DMC1: variants seen among roughly 807,000 people sequenced by gnomAD.
DMC1 encodes DNA meiotic recombinase 1, also known as meiotic recombination protein DMC1 homolog.
DMC1 carries 27 observed loss-of-function variants against 50.1 expected under a neutral mutation model. That is an observed-to-expected ratio of 0.54 (90% CI 0.40 to 0.74). The LOEUF (loss-of-function observed/expected upper bound fraction) is 0.74. DMC1 is among the 30% of genes least tolerant of loss of function. The probability of loss-of-function intolerance (pLI) is 0.00; values close to 1 mark genes in which losing one functional copy is unlikely to be tolerated. For synonymous variants in DMC1, 148 were observed against 136.1 expected, an observed-to-expected ratio of 1.09 and a Z score of -0.61; for missense variants, 295 against 420.2, an observed-to-expected ratio of 0.70 and a Z score of 2.60.
chr22:38,520,601 G>T (rs369219138), intron 13 of DMC1, among the ~76,000 whole-genome samples: 1 of 151,922 alleles, frequency 6.6e-6, no homozygotes, highest in Non-Finnish European at 1.5e-5. Flanking sequence ...CAGGTGATCC[G>T]CCTGCCTCGG....
At chr22:38,555,433 G>A in intron 5 of DMC1, 24 bp from the exon 6 acceptor site, 1 of 1,452,768 alleles carries the variant, frequency 6.9e-7, no homozygotes, top group Non-Finnish European at 9.7e-7. Flanking sequence ...GAAAGCATTA[G>A]TAACAGGAAT....
intron 4 of DMC1, among the ~76,000 whole-genome samples, chr22:38,566,231 G>A (rs1412017315): frequency 6.8e-6 from 1 of 147,158 alleles, no homozygotes; most frequent in Non-Finnish European, 1.5e-5. Context: ...CTGAGATCAC[G>A]CCACTGCACT....
chr22:38,526,069 A>G (rs2090084832), intron 12 of DMC1, among the ~76,000 whole-genome samples: 1 of 152,220 alleles, frequency 6.6e-6, no homozygotes, highest in South Asian at 2.1e-4. Flanking sequence ...AGGCTGTGAC[A>G]TAGCAGCCTT....
In DMC1 at chr22:38,568,282, A is replaced by G. The variant is rs543829547; in HGVS notation, c.-26T>C. ...ATTGAAAAGTGGGCAACAGAAAAATAATCACTTCTGGGAAAATAAGAAATA... is the reference window on the plus strand; with the variant it reads ...ATTGAAAAGTGGGCAACAGAAAAATGATCACTTCTGGGAAAATAAGAAATA... On this transcript the variant is annotated 5_prime_UTR_variant, in exon 2 of 14. Transcript: ENST00000216024. The G allele has an allele frequency of 1.2e-6, 2 of 1,612,458 alleles. 1 individual carries two copies. The highest frequency in any genetic ancestry group is 4.5e-5 in the East Asian group (2 of 44,868).
intron 7 of DMC1, among the ~76,000 whole-genome samples, chr22:38,552,001 C>G (rs1447238676): frequency 6.6e-6 from 1 of 151,904 alleles, no homozygotes; most frequent in Non-Finnish European, 1.5e-5. Context: ...GCTGGGACTA[C>G]AGGCGCCCGC....
intron 5 of DMC1, among the ~76,000 whole-genome samples, chr22:38,557,522 A>T (rs1477596638): frequency 6.6e-6 from 1 of 152,124 alleles, no homozygotes; most frequent in African/African-American, 2.4e-5. Flanking sequence ...CCTGGATAAC[A>T]TGGCGAAACC....
At chr22:38,564,583 T>A (rs1053425214) in intron 4 of DMC1, among the ~76,000 whole-genome samples, 3 of 152,192 alleles carry the variant, frequency 2.0e-5, no homozygotes, top group African/African-American at 7.2e-5. Flanking sequence ...AGTGCTGGGA[T>A]TACAGGCGTA....
chr22:38,569,823 C>G (rs940693533), intron 1 of DMC1, among the ~76,000 whole-genome samples: 1 of 152,220 alleles, frequency 6.6e-6, no homozygotes, highest in Non-Finnish European at 1.5e-5. Context: ...ATTCCCTGGT[C>G]AGGAGGATGA....
At chr22:38,558,490 G>C (rs1320576739) in intron 5 of DMC1, among the ~76,000 whole-genome samples, 1 of 151,906 alleles carries the variant, frequency 6.6e-6, no homozygotes, top group East Asian at 1.9e-4. Flanking sequence ...CGAGGCAAGT[G>C]GATCATCTGA....
chr22:38,569,546 C>A (rs2090617192), intron 1 of DMC1, among the ~76,000 whole-genome samples: 1 of 152,188 alleles, frequency 6.6e-6, no homozygotes, highest in Non-Finnish European at 1.5e-5. Flanking sequence ...TACCCCAATT[C>A]CACATTTACT....
intron 7 of DMC1, among the ~76,000 whole-genome samples, chr22:38,551,417 C>T (rs1449362390): frequency 6.6e-6 from 1 of 151,884 alleles, no homozygotes. Flanking sequence ...CAACCTCTGC[C>T]TCCCGGGTTC....
intron 8 of DMC1, among the ~76,000 whole-genome samples, chr22:38,548,983 C>T (rs1043396296): frequency 3.3e-5 from 5 of 152,210 alleles, no homozygotes; most frequent in African/African-American, 1.2e-4. Context: ...AGCGGTTTCT[C>T]AAACCTGTCT....
At chr22:38,514,945 CTTT>C (rs1225224373), downstream of DMC1, among the ~76,000 whole-genome samples, 10 of 121,924 alleles carry the variant, frequency 8.2e-5, no homozygotes, top group Admixed American at 8.1e-5. Context: ...TTTTTTTATT[CTTT>C]TTTTTTTTTT....
rs2090386253 is a variant in DMC1 at position 38,550,002 on chromosome 22, G to A, written c.422-5C>T. The stretch of plus-strand genomic sequence containing the variant: ...CTCCTGGAAGTTGAGCTGTCACTAG[G>A]AAGCAATTAAAAATTTATATTAATA... On this transcript the variant is annotated splice_polypyrimidine_tract_variant and splice_region_variant and intron_variant, in intron 7 of 13. Transcript: ENST00000216024. 2 of 1,609,960 alleles carry A rather than the reference G, an allele frequency of 1.2e-6. No homozygotes were observed. Among genetic ancestry groups the A allele is most frequent in the East Asian group, 2.2e-5 (1 of 44,742 alleles).
At chr22:38,530,445 A>T (rs746245828) in intron 12 of DMC1, among the ~76,000 whole-genome samples, 1 of 152,118 alleles carries the variant, frequency 6.6e-6, no homozygotes, top group Non-Finnish European at 1.5e-5. Context: ...CAACATTTTA[A>T]AGATGGAATT....
At chr22:38,539,558 T>G in intron 8 of DMC1, 146 bp from the exon 9 acceptor site, 2 of 711,848 alleles carry the variant, frequency 2.8e-6, no homozygotes, top group South Asian at 3.0e-5. Flanking sequence ...AGCAACCATT[T>G]AAAGTCTATA....
At chr22:38,546,237 A>C (rs955417441) in intron 8 of DMC1, 1 of 152,208 alleles carries the variant, frequency 6.6e-6, no homozygotes, top group African/African-American at 2.4e-5. Context: ...CTAAAAATAC[A>C]AAATTAGCCG....
intron 8 of DMC1, among the ~76,000 whole-genome samples, chr22:38,547,956 T>G (rs1049571676): frequency 6.6e-6 from 1 of 152,226 alleles, no homozygotes; most frequent in African/African-American, 2.4e-5. Flanking sequence ...TTTGAACTTA[T>G]AATGATCTTT....
At chr22:38,539,491 C>T in intron 8 of DMC1, 79 bp from the exon 9 acceptor site, 2 of 1,112,684 alleles carry the variant, frequency 1.8e-6, no homozygotes, top group Non-Finnish European at 2.7e-6. Flanking sequence ...ATAATATCTT[C>T]CGTAAATTAA....
Sources: allele counts gnomAD v4.1 joint callset (sites outside exome capture counted in the v4.1 genomes callset), GRCh38; gene constraint gnomAD v4.1.1; transcripts MANE v1.5; gene names NCBI Gene and HGNC (gene_info 2026-07-23, HGNC 2026-07-21).